The following CLCA4 variants were observed in gnomAD, a reference collection of about 807,000 sequenced individuals.
The protein encoded by CLCA4 is calcium-activated chloride channel regulator 4.
In CLCA4, 69 loss-of-function variants were observed where a neutral mutation model predicts 78.9. The observed-to-expected ratio is 0.87, with a 90% CI of 0.72 to 1.07. The LOEUF (loss-of-function observed/expected upper bound fraction) is 1.07, where lower values mean the gene tolerates loss of function less well. CLCA4 is among the 50% of genes least tolerant of loss of function. The pLI, the probability that CLCA4 is intolerant of heterozygous loss-of-function variation, is 0.00. For synonymous variants in CLCA4, 362 were observed against 375.8 expected (o/e 0.96, Z 0.42); for missense variants, 1,133 against 1,095.8 (o/e 1.03, Z -0.48).
rs372831928 is a variant in CLCA4, at chr1:86,565,457, T to C, written c.735+6T>C. ...TTATGCAAAGTATTGATTCTGTAAG[T>C]ATGCTGATAATTGCTTCCAGAATTT... On this transcript the variant is annotated splice_donor_region_variant and intron_variant, in intron 5 of 13. Transcript: ENST00000370563. 9.0e-6 allele frequency: 14 copies of C among 1,562,200 alleles called. No individual in the cohort carries two copies. Among genetic ancestry groups the C allele is most frequent in the Non-Finnish European group, 1.2e-5 (14 of 1,150,522 alleles).
In CLCA4 at chr1:86,575,610, G is replaced by A. The variant is rs1239053162; in HGVS notation, c.1951+11G>A. 1 of 1,607,708 alleles carries A rather than the reference G, an allele frequency of 6.2e-7. No homozygotes were observed. Among genetic ancestry groups the A allele is most frequent in the Admixed American group, 1.7e-5 (1 of 59,460 alleles). On this transcript the variant is annotated intron_variant, in intron 11 of 13. Transcript: ENST00000370563. ...TGGATAATGGTGCAGGTAATTCACA[G>A]GTTTTTATGAATAAGCCAATATTTT...
chr1:86,577,800 T>C, intron 11 of CLCA4, 102 bp from the exon 12 acceptor site: 4 of 834,256 alleles, frequency 4.8e-6, no homozygotes, highest in South Asian at 1.9e-5. Flanking sequence ...TCTAAAAATA[T>C]TAAGCCTAAT....
At position 86,578,515 on chromosome 1, in the gene CLCA4, C is replaced by A. The variant is rs563846326; in HGVS notation, c.2122+443C>A. Among the ~76,000 whole-genome samples, 444 of 152,144 alleles carry A rather than the reference C, an allele frequency of 2.9e-3. 3 individuals are homozygous for A. Among genetic ancestry groups the A allele is most frequent in the Non-Finnish European group, 4.9e-3 (330 of 67,962 alleles). ...GTTACCCTCTTTGTGTCCATGAATT[C>A]TCATCATTTAGCTCCCACTTATAAG... On this transcript the variant is annotated intron_variant, in intron 12 of 13. Coordinates refer to ENST00000370563, the MANE Select transcript of CLCA4 (RefSeq NM_012128.4).
Position 86,575,564 on chromosome 1 carries a change from A to G in CLCA4, c.1916A>G (p.His639Arg). The change falls in exon 11 of 14, where the codon CAT (histidine) becomes CGT (arginine). Residue 639 changes from histidine to arginine, a missense_variant. His to Arg is a conservative substitution (Grantham distance 29). Coordinates refer to ENST00000370563, the MANE Select transcript of CLCA4 (RefSeq NM_012128.4). ...GCTTTCATTGAATCACAGAATGGAC[A>G]TACAGAAGTTTTGGAACTTTTGGAT... is the stretch of plus-strand genomic sequence containing the variant. Reference protein sequence around the residue: ...VTAFIESQNGHTEVLELLDNG... With the variant: ...VTAFIESQNGRTEVLELLDNG... The G allele has an allele frequency of 8.1e-6, 13 of 1,612,986 alleles. No individual in the cohort carries two copies. The highest frequency in any genetic ancestry group is 1.1e-5 in the Non-Finnish European group (13 of 1,179,330).
At chr1:86,559,475 C>T (rs1045296966) in intron 1 of CLCA4, among the ~76,000 whole-genome samples, 5 of 152,092 alleles carry the variant, frequency 3.3e-5, no homozygotes, top group Non-Finnish European at 5.9e-5. Context: ...TTAAGATTGC[C>T]TGTTTGTAGA....
chr1:86,572,578 C>G lies in CLCA4; in HGVS notation c.1361-36C>G, dbSNP rs1284345732. On this transcript the variant is annotated intron_variant, in intron 8 of 13. Coordinates refer to ENST00000370563, the MANE Select transcript of CLCA4 (RefSeq NM_012128.4). Reference sequence around the variant, plus strand: ...TCACTAAAATATATGTACTTATTTTCTAGAAAGCAGTCTAATTAATGCATT... The same window carrying G: ...TCACTAAAATATATGTACTTATTTTGTAGAAAGCAGTCTAATTAATGCATT... 9 of 1,185,302 alleles carry G rather than the reference C, an allele frequency of 7.6e-6. No individual in the cohort carries two copies. The East Asian group carries it at 2.1e-4, about 28-fold the overall frequency. 73.4% of individuals were successfully genotyped at this position (1,185,302 alleles called of 1,614,324 possible).
At chr1:86,567,984 TG>T (rs1480592152) in intron 7 of CLCA4, among the ~76,000 whole-genome samples, 1 of 152,044 alleles carries the variant, frequency 6.6e-6, no homozygotes, top group Non-Finnish European at 1.5e-5. Flanking sequence ...CATTAACATT[TG>T]GGGAAATGAC....
At position 86,579,523 on chromosome 1, in the gene CLCA4, A is replaced by T. The variant is rs1166651384; in HGVS notation, c.2292A>T (p.Thr764=). 6.2e-7 allele frequency: 1 copy of T among 1,613,106 alleles called. No homozygotes were observed. The highest frequency in any genetic ancestry group is 8.5e-7 in the Non-Finnish European group (1 of 1,179,452). The change falls in exon 13 of 14, where the codon ACA becomes ACT. Residue 764 remains threonine, a synonymous_variant. Transcript: ENST00000370563. The stretch of plus-strand genomic sequence containing the variant: ...GTCAAATCACAGACCTTGATGCCAC[A>T]GTTCATGAGGATAAGATTATTCTTA... ...PPSQITDLDA[T]VHEDKIILTW...
At chr1:86,579,681 T>C in intron 13 of CLCA4, 94 bp downstream of exon 13, 6 of 937,438 alleles carry the variant, frequency 6.4e-6, no homozygotes, top group South Asian at 5.8e-5. Context: ...AATGGTTTTA[T>C]ATTGACAGCC....
intron 1 of CLCA4, chr1:86,553,197 TG>T: frequency 8.7e-7 from 1 of 1,153,394 alleles, no homozygotes; most frequent in Non-Finnish European, 1.3e-6. Flanking sequence ...CACAAGCATG[TG>T]GCAAAGCTGC....
rs1650566129 is a variant in CLCA4 at position 86,577,883 on chromosome 1, C to A, written c.1952-19C>A. On this transcript the variant is annotated intron_variant, in intron 11 of 13. Coordinates refer to ENST00000370563, the MANE Select transcript of CLCA4 (RefSeq NM_012128.4). ...AAATTTCTCTTTACAAGACTTTATTCCTTCATTTCTATAACAAGGCGCTGA... is the reference window on the plus strand; with the variant it reads ...AAATTTCTCTTTACAAGACTTTATTACTTCATTTCTATAACAAGGCGCTGA... 6.6e-7 allele frequency: 1 copy of A among 1,511,006 alleles called. No individual in the cohort carries two copies. The highest frequency in any genetic ancestry group is 1.4e-5 in the African/African-American group (1 of 72,136). The allele number at this position is 1,511,006 out of a possible 1,614,324, so 93.6% of individuals were successfully genotyped here. A position where few individuals can be genotyped will look rare whatever the true frequency, so the allele number is the denominator to read the frequency against.
Position 86,575,367 on chromosome 1 carries a change from G to C in CLCA4, c.1719G>C (p.Ala573=). ...GGGCATACAATCTTCAAGCCAAAGCGAACCCAGAAACATTAACTATTACAG... is the reference window on the plus strand; with the variant it reads ...GGGCATACAATCTTCAAGCCAAAGCCAACCCAGAAACATTAACTATTACAG... The part of the protein sequence containing the change: ...GTWAYNLQAK[A]NPETLTITVT... The change falls in exon 11 of 14, where the codon GCG becomes GCC. Residue 573 remains alanine (A), a synonymous_variant. Transcript: ENST00000370563. The C allele has an allele frequency of 6.2e-7, 1 of 1,613,128 alleles. No homozygotes were observed. Among genetic ancestry groups the C allele is most frequent in the Non-Finnish European group, 8.5e-7 (1 of 1,179,418 alleles).
chr1:86,579,794 C>A, intron 13 of CLCA4, 148 bp from the exon 14 acceptor site: 8 of 709,968 alleles, frequency 1.1e-5, no homozygotes, highest in Non-Finnish European at 1.8e-5. Flanking sequence ...ATTTGCAGAG[C>A]TTAAGACCAG....
At chr1:86,566,834 G>A (rs1204751277) in intron 6 of CLCA4, among the ~76,000 whole-genome samples, 1 of 152,024 alleles carries the variant, frequency 6.6e-6, no homozygotes, top group East Asian at 1.9e-4. Context: ...GCTGGGTCCT[G>A]AGGGTTACCA....
At chr1:86,552,826 AT>A in intron 1 of CLCA4, 3 of 902,718 alleles carry the variant, frequency 3.3e-6, no homozygotes, top group Non-Finnish European at 5.5e-6. Flanking sequence ...GTAGCGGGGG[AT>A]TTTAGTCTCC....
At chr1:86,556,306 T>C (rs1165588080) in intron 1 of CLCA4, among the ~76,000 whole-genome samples, 4 of 152,188 alleles carry the variant, frequency 2.6e-5, no homozygotes, top group African/African-American at 9.6e-5. Context: ...TGCTTCCAGC[T>C]TTTGCCCATT....
At chr1:86,549,586 T>C (rs1182668239) in intron 1 of CLCA4, among the ~76,000 whole-genome samples, 1 of 152,180 alleles carries the variant, frequency 6.6e-6, no homozygotes, top group South Asian at 2.1e-4. Flanking sequence ...AGGAAACTCT[T>C]GCAGGTGGGC....
chr1:86,554,587 A>G (rs1433508248), intron 1 of CLCA4, among the ~76,000 whole-genome samples: 2 of 151,986 alleles, frequency 1.3e-5, no homozygotes, highest in East Asian at 1.9e-4. Context: ...TTTTAATCCA[A>G]TCTGTTATTG....
intron 1 of CLCA4, among the ~76,000 whole-genome samples, chr1:86,556,577 T>C (rs1270760958): frequency 6.6e-6 from 1 of 152,142 alleles, no homozygotes; most frequent in African/African-American, 2.4e-5. Context: ...AGCTGCTGGA[T>C]TCGGTTTGCC....
Sources: gnomAD v4.1 joint callset for allele counts (sites outside exome capture counted in the v4.1 genomes callset) on GRCh38, gnomAD v4.1.1 for gene constraint, MANE v1.5 for transcripts, NCBI Gene and HGNC (gene_info 2026-07-23, HGNC 2026-07-21) for gene names.